Variants in EBF2 observed in about 807,000 individuals in gnomAD.
EBF2 encodes the protein EBF transcription factor 2.
In EBF2, 21 loss-of-function variants were observed where a neutral mutation model predicts 72.8. The observed-to-expected ratio is 0.29, with a 90% CI of 0.20 to 0.42. EBF2 has a LOEUF of 0.42. EBF2 is among the 10% of genes least tolerant of loss of function. EBF2 has a pLI of 1.00. For missense variants in EBF2, 637 were observed against 731.2 expected, an observed-to-expected ratio of 0.87 and a Z score of 1.49; for synonymous variants, 299 against 274.2, an observed-to-expected ratio of 1.09 and a Z score of -0.89.
At chr8:26,014,312 G>T (rs1319432282) in intron 6 of EBF2, among the ~76,000 whole-genome samples, 1 of 152,092 alleles carries the variant, frequency 6.6e-6, no homozygotes, top group Non-Finnish European at 1.5e-5. Context: ...ATGATAAAGA[G>T]ATACGCCAAT....
chr8:26,040,906 G>C (rs935631710), intron 3 of EBF2, 33 bp downstream of exon 3: 1 of 1,613,146 alleles, frequency 6.2e-7, no homozygotes, highest in Non-Finnish European at 8.5e-7. Flanking sequence ...CGGCTGCTAG[G>C]CGCCGGCTCA....
intron 6 of EBF2, among the ~76,000 whole-genome samples, chr8:26,028,129 T>C (rs748482889): frequency 2.0e-5 from 3 of 152,206 alleles, no homozygotes; most frequent in Non-Finnish European, 2.9e-5. Context: ...TTATATGTAT[T>C]TTACCACAAT....
chr8:25,988,339 C>CA (rs1235197251), intron 6 of EBF2, among the ~76,000 whole-genome samples: 1 of 152,212 alleles, frequency 6.6e-6, no homozygotes, highest in Non-Finnish European at 1.5e-5. Context: ...GAGAATTCCC[C>CA]ATGCACATGC....
At position 25,997,158 on chromosome 8, in the gene EBF2, G is replaced by A. The variant is rs112751886; in HGVS notation, c.551+35927C>T. Among the ~76,000 whole-genome samples, 468 of 152,214 alleles carry A rather than the reference G, an allele frequency of 3.1e-3. 3 individuals carry two copies. The highest frequency in any genetic ancestry group is 0.011 in the African/African-American group (436 of 41,522). On this transcript the variant is annotated intron_variant, in intron 6 of 15. Coordinates refer to ENST00000520164, the MANE Select transcript of EBF2 (RefSeq NM_022659.4). The stretch of plus-strand genomic sequence containing the variant: ...GGTGTGGTGTGACCCACTCCCTACC[G>A]CCCACTCTGTGCTAAAATCCACTCT...
At chr8:26,002,308 G>A (rs756947097) in intron 6 of EBF2, among the ~76,000 whole-genome samples, 6 of 152,136 alleles carry the variant, frequency 3.9e-5, no homozygotes, top group Non-Finnish European at 8.8e-5. Context: ...TTGTTGCTCC[G>A]TTCTTGGATA....
At chr8:25,874,802 T>A (rs1178298920) in intron 10 of EBF2, among the ~76,000 whole-genome samples, 1 of 151,204 alleles carries the variant, frequency 6.6e-6, no homozygotes, top group Non-Finnish European at 1.5e-5. Context: ...TCTCCCACCT[T>A]GGGCTCCCAA....
chr8:25,992,333 C>CAAAAAAA (rs36020598), intron 6 of EBF2, among the ~76,000 whole-genome samples: 50 of 52,398 alleles, frequency 9.5e-4, no homozygotes, highest in Non-Finnish European at 1.1e-3. Flanking sequence ...GACTCTGTCT[C>CAAAAAAA]AAAAAAAAAA....
At position 26,044,655 on chromosome 8, in the gene EBF2, CG is replaced by C. The variant is rs11135911; in HGVS notation, c.131+73del. ...GGGAGAGAGAAAGGCACGGGGTGCG[CG>C]GGGGGGGTGCACACGGAGAGACAGA... is the stretch of plus-strand genomic sequence containing the variant. On this transcript the variant is annotated intron_variant, in intron 1 of 15. Coordinates refer to ENST00000520164, the MANE Select transcript of EBF2 (RefSeq NM_022659.4). The surrounding 1 kb of genome is among the most constrained non-coding windows in gnomAD (Gnocchi z 4.1). 0.27 allele frequency: 407,912 copies of C among 1,536,462 alleles called. 56,441 individuals carry two copies. Among genetic ancestry groups the C allele is most frequent in the African/African-American group, 0.43 (31,509 of 72,786 alleles).
At chr8:25,975,689 G>T (rs1804257691) in intron 6 of EBF2, among the ~76,000 whole-genome samples, 1 of 151,930 alleles carries the variant, frequency 6.6e-6, no homozygotes, top group Non-Finnish European at 1.5e-5. Flanking sequence ...CAAACCTGCA[G>T]GATTATGTTA....
chr8:25,886,739 T>C lies in EBF2; in HGVS notation c.1009+16A>G. ...AACCAGAAGCCAGCCTCTCTTGGAA[T>C]CGTTTTCTCACCTACCTGTGTAAAT... On this transcript the variant is annotated intron_variant, in intron 10 of 15. Transcript: ENST00000520164. 1.2e-6 allele frequency: 2 copies of C among 1,603,702 alleles called. No individual in the cohort carries two copies. The highest frequency in any genetic ancestry group is 1.1e-5 in the South Asian group (1 of 88,624).
chr8:25,905,932 T>A (rs1803024921), intron 7 of EBF2, among the ~76,000 whole-genome samples: 3 of 152,220 alleles, frequency 2.0e-5, no homozygotes, highest in Non-Finnish European at 1.5e-5. Context: ...GTCTAAACAA[T>A]TCTTTTTGCC....
chr8:25,921,438 A>G (rs17054598), intron 6 of EBF2, among the ~76,000 whole-genome samples: 7,967 of 152,262 alleles, frequency 0.052, 282 homozygotes, highest in South Asian at 0.13. Context: ...TCCCGAGTGT[A>G]GTCAACAGAG....
chr8:25,986,001 CAAAAAAAAA>C (rs59820523), intron 6 of EBF2, among the ~76,000 whole-genome samples: 18 of 28,560 alleles, frequency 6.3e-4, no homozygotes, highest in East Asian at 4.3e-3. Flanking sequence ...AACTCTGTCT[CAAAAAAAAA>C]AAAAAAAAAA....
chr8:25,887,713 C>T lies in EBF2; in HGVS notation c.882+129G>A, dbSNP rs973635931. 4.1e-5 allele frequency: 47 copies of T among 1,141,484 alleles called. No homozygotes were observed. The African/African-American group carries it at 7.2e-4, about 17-fold the overall frequency. The allele number at this position is 1,141,484 out of a possible 1,614,324, so 70.7% of individuals were successfully genotyped here. A position where few individuals can be genotyped will look rare whatever the true frequency, so the allele number is the denominator to read the frequency against. ...TAATACTGCAGTGGATACTTATCTT[C>T]TTAAGAAACCCATGCCTGATTTACT... On this transcript the variant is annotated intron_variant, in intron 9 of 15. Coordinates refer to ENST00000520164, the MANE Select transcript of EBF2 (RefSeq NM_022659.4).
At chr8:25,877,604 T>G (rs1479090149) in intron 10 of EBF2, among the ~76,000 whole-genome samples, 1 of 152,152 alleles carries the variant, frequency 6.6e-6, no homozygotes, top group Non-Finnish European at 1.5e-5. Context: ...AATAATGGGC[T>G]TGGCTCTGTC....
chr8:25,908,361 G>A (rs767468464), intron 7 of EBF2, 113 bp downstream of exon 7: 2 of 748,822 alleles, frequency 2.7e-6, no homozygotes, highest in South Asian at 2.0e-5. Context: ...CTTTTTTATT[G>A]TTAGGAGTAG....
Position 25,929,454 on chromosome 8 carries a change from G to A in EBF2, c.552-20899C>T, listed in dbSNP as rs139961595. Among the ~76,000 whole-genome samples the A allele has an allele frequency of 5.3e-5, 8 of 152,292 alleles. No homozygotes were observed. The East Asian group carries it at 7.7e-4, about 15-fold the overall frequency. On this transcript the variant is annotated intron_variant, in intron 6 of 15. Transcript: ENST00000520164. ...CGATGCTTATTGAGAGCAGACACTC[G>A]ACGAGGCTTTTTATTGTGGGCTTAC... is the stretch of plus-strand genomic sequence containing the variant.
chr8:25,854,172 CTTTCA>C (rs1244995805), intron 14 of EBF2, among the ~76,000 whole-genome samples: 1 of 150,192 alleles, frequency 6.7e-6, no homozygotes, highest in East Asian at 1.9e-4. Flanking sequence ...TAACTTTCCT[CTTTCA>C]TTTAAGGCTG....
intron 5 of EBF2, among the ~76,000 whole-genome samples, chr8:26,036,532 GC>G (rs1333075157): frequency 4.5e-5 from 5 of 110,382 alleles, no homozygotes; most frequent in East Asian, 2.7e-4. Flanking sequence ...TGTTAAGTTG[GC>G]CAAAGCAAAT....
Sources: gnomAD v4.1 joint callset for allele counts (sites outside exome capture counted in the v4.1 genomes callset) on GRCh38, gnomAD v4.1.1 for gene constraint, Gnocchi (gnomAD v3.1) non-coding constraint, MANE v1.5 for transcripts, NCBI Gene and HGNC (gene_info 2026-07-23, HGNC 2026-07-21) for gene names.